ADAMTS20: variants seen among roughly 807,000 people sequenced by gnomAD.
ADAMTS20 encodes ADAM metallopeptidase with thrombospondin type 1 motif 20, also known as A disintegrin and metalloproteinase with thrombospondin motifs 20.
A neutral mutation model predicts 260.1 loss-of-function variants in ADAMTS20; 225 were observed. The observed-to-expected ratio is 0.87, with a 90% CI of 0.78 to 0.97. The LOEUF is 0.97. Among genes scored for constraint, ADAMTS20 ranks in the 50% least tolerant of loss-of-function variants. The pLI is 0.00. For missense variants in ADAMTS20, 2,400 were observed against 2,337.7 expected (o/e 1.03, Z -0.55); for synonymous variants, 802 against 769.5 (o/e 1.04, Z -0.70).
At chr12:43,432,002 C>T (rs1181295966) in intron 21 of ADAMTS20, among the ~76,000 whole-genome samples, 1 of 151,916 alleles carries the variant, frequency 6.6e-6, no homozygotes. Context: ...CTCAGCCTCC[C>T]GAGTAGCTGG....
chr12:43,384,909 A>G (rs932953776), intron 29 of ADAMTS20, among the ~76,000 whole-genome samples: 5 of 152,206 alleles, frequency 3.3e-5, no homozygotes, highest in African/African-American at 9.7e-5. Context: ...CAGTGCTGCT[A>G]TAAACATATG....
intron 37 of ADAMTS20, among the ~76,000 whole-genome samples, chr12:43,358,671 T>C (rs377064012): frequency 1.3e-5 from 2 of 151,342 alleles, no homozygotes; most frequent in South Asian, 2.1e-4. Flanking sequence ...ACCCCGTCTC[T>C]ACTAAAAATA....
intron 3 of ADAMTS20, among the ~76,000 whole-genome samples, chr12:43,528,373 A>AAAC (rs1491075537): frequency 6.7e-6 from 1 of 148,384 alleles, no homozygotes; most frequent in Non-Finnish European, 1.5e-5. Flanking sequence ...AAAAAAAAAA[A>AAAC]ACACAAATCC....
chr12:43,371,586 G>T (rs991273860), intron 36 of ADAMTS20, among the ~76,000 whole-genome samples: 1 of 152,160 alleles, frequency 6.6e-6, no homozygotes, highest in Non-Finnish European at 1.5e-5. Context: ...ATAAATTTCA[G>T]CAGAGACCCA....
chr12:43,372,956 A>G (rs1441160100), intron 36 of ADAMTS20, among the ~76,000 whole-genome samples: 1 of 152,214 alleles, frequency 6.6e-6, no homozygotes, highest in African/African-American at 2.4e-5. Context: ...AAGCTACAGG[A>G]GAAGGTATAA....
At chr12:43,450,553 G>A (rs957932538) in intron 14 of ADAMTS20, among the ~76,000 whole-genome samples, 2 of 151,900 alleles carry the variant, frequency 1.3e-5, no homozygotes, top group Non-Finnish European at 2.9e-5. Context: ...AACTGTTTCC[G>A]ACTTAAATTA....
At chr12:43,435,641 T>TAAAAAAA (rs35112845) in intron 18 of ADAMTS20, among the ~76,000 whole-genome samples, 2 of 84,622 alleles carry the variant, frequency 2.4e-5, no homozygotes, top group South Asian at 3.8e-4. Context: ...ACTCCATTTC[T>TAAAAAAA]AAAAAAAAAA....
rs377717616 is a variant in ADAMTS20, at chr12:43,551,600, C to T, written c.91+231G>A. On this transcript the variant is annotated intron_variant, in intron 1 of 38. Transcript: ENST00000389420. This position sits in a 1 kb window ranked among gnomAD's most constrained non-coding sequence, Gnocchi z 4.6. ...CTCCGGGTGCAAGCGACCCCCTGCC[C>T]CTTGCGCCCCCGCCGTGTGGTCCTG... 2.6e-5 allele frequency among the ~76,000 whole-genome samples: 4 copies of T among 152,330 alleles called. No homozygotes were observed. The highest frequency in any genetic ancestry group is 3.9e-4 in the East Asian group (2 of 5,148).
chr12:43,494,983 T>C (rs1942656874), intron 4 of ADAMTS20, among the ~76,000 whole-genome samples: 1 of 152,150 alleles, frequency 6.6e-6, no homozygotes, highest in South Asian at 2.1e-4. Context: ...TATCCAGTGG[T>C]CCACAGAAAA....
At chr12:43,461,881 C>T (rs1942071481) in intron 11 of ADAMTS20, among the ~76,000 whole-genome samples, 1 of 152,060 alleles carries the variant, frequency 6.6e-6, no homozygotes, top group African/African-American at 2.4e-5. Context: ...TGAAAAAGCC[C>T]ACTAGAACTT....
intron 4 of ADAMTS20, among the ~76,000 whole-genome samples, chr12:43,495,001 T>A (rs1053652941): frequency 6.6e-6 from 1 of 152,220 alleles, no homozygotes; most frequent in East Asian, 1.9e-4. Context: ...AAAAAGAGCA[T>A]ATGCACTATG....
chr12:43,370,349 G>C (rs1170212640), intron 36 of ADAMTS20, among the ~76,000 whole-genome samples: 1 of 152,222 alleles, frequency 6.6e-6, no homozygotes, highest in East Asian at 1.9e-4. Context: ...GATTGGTCAG[G>C]GTGGGAATAC....
intron 29 of ADAMTS20, among the ~76,000 whole-genome samples, chr12:43,394,766 G>A (rs1246479429): frequency 6.6e-6 from 1 of 151,990 alleles, no homozygotes; most frequent in East Asian, 1.9e-4. Context: ...TAGTATAATG[G>A]AGAAAGCTCA....
intron 12 of ADAMTS20, among the ~76,000 whole-genome samples, 180 bp from the exon 13 acceptor site, chr12:43,452,875 C>T (rs537218692): frequency 2.6e-5 from 4 of 152,222 alleles, no homozygotes; most frequent in Admixed American, 2.0e-4. Flanking sequence ...ACAAAAATAT[C>T]CACCTTAACG....
Position 43,492,390 on chromosome 12 carries a change from G to GAAAAAC in ADAMTS20, c.1076+114_1076+115insGTTTTT. 3.3e-6 allele frequency: 4 copies of GAAAAAC among 1,222,946 alleles called. No individual in the cohort carries two copies. The South Asian group carries it at 4.8e-5, about 15-fold the overall frequency. 75.8% of individuals were successfully genotyped at this position (1,222,946 alleles called of 1,614,324 possible). The stretch of plus-strand genomic sequence containing the variant: ...GCGAGACTCTGTCTCAAAAAAAAAA[G>GAAAAAC]AAAAAGAAAAAGAAAAACAAAAACA... On this transcript the variant is annotated intron_variant, in intron 6 of 38. Transcript: ENST00000389420.
At chr12:43,371,426 G>A (rs187057360) in intron 36 of ADAMTS20, among the ~76,000 whole-genome samples, 2 of 152,322 alleles carry the variant, frequency 1.3e-5, no homozygotes, top group Admixed American at 1.3e-4. Flanking sequence ...AATGGAACCT[G>A]AGTCTTACCA....
intron 29 of ADAMTS20, among the ~76,000 whole-genome samples, chr12:43,393,914 C>A (rs575387207): frequency 3.9e-5 from 6 of 152,132 alleles, no homozygotes; most frequent in South Asian, 2.1e-4. Context: ...GCAGCCATGG[C>A]ATTTTTTAAT....
intron 3 of ADAMTS20, among the ~76,000 whole-genome samples, chr12:43,511,482 G>C (rs556784373): frequency 6.6e-6 from 1 of 152,084 alleles, no homozygotes; most frequent in South Asian, 2.1e-4. Context: ...GTAAATGTTC[G>C]TGGAAAGAAA....
At chr12:43,460,740 T>C (rs114753303) in intron 11 of ADAMTS20, among the ~76,000 whole-genome samples, 3,591 of 151,846 alleles carry the variant, frequency 0.024, 71 homozygotes, top group African/African-American at 0.052. Context: ...AATTATACTG[T>C]GGTATAAAGG....
Sources: allele counts gnomAD v4.1 joint callset (sites outside exome capture counted in the v4.1 genomes callset), GRCh38; gene constraint gnomAD v4.1.1; non-coding constraint Gnocchi (gnomAD v3.1); transcripts MANE v1.5; gene names NCBI Gene and HGNC (gene_info 2026-07-23, HGNC 2026-07-21).